The following PTPN3 variants were observed in gnomAD, a reference collection of about 807,000 sequenced individuals.
The protein encoded by PTPN3 is tyrosine-protein phosphatase non-receptor type 3.
PTPN3 carries 96 observed loss-of-function variants against 132.7 expected under a neutral mutation model. The ratio of observed to expected loss-of-function variants is 0.72; its 90% CI spans 0.61 to 0.86. The LOEUF (loss-of-function observed/expected upper bound fraction) is 0.86, where lower values mean the gene tolerates loss of function less well. PTPN3 is among the 40% of genes least tolerant of loss of function. The pLI, the probability that PTPN3 is intolerant of heterozygous loss-of-function variation, is 0.00. For synonymous variants in PTPN3, 398 were observed against 429.0 expected (o/e 0.93, Z 0.89); for missense variants, 1,125 against 1,159.6 (o/e 0.97, Z 0.43).
rs148263399 is a variant in PTPN3, at chr9:109,438,137, G to T, written c.564C>A (p.Val188=). The part of the protein sequence containing the change: ...PDQNEDFLTK[V]ESLHEQHSGL... ...ACCTGTGCTGCTCATGCAGAGATTC[G>T]ACTTTTGTTAAAAAGTCCTCATTTT... Residue 188 remains valine, a synonymous_variant, in exon 8 of 26, where the codon GTC becomes GTA. Coordinates refer to ENST00000374541, the MANE Select transcript of PTPN3 (RefSeq NM_002829.4). 2 of 1,613,626 alleles carry T rather than the reference G, an allele frequency of 1.2e-6. No individual in the cohort carries two copies. The highest frequency in any genetic ancestry group is 2.2e-5 in the South Asian group (2 of 90,974).
At chr9:109,479,867 G>A (rs1439366473) in intron 1 of PTPN3, among the ~76,000 whole-genome samples, 2 of 152,184 alleles carry the variant, frequency 1.3e-5, no homozygotes, top group African/African-American at 2.4e-5. Flanking sequence ...TCTGTGCCTG[G>A]CCCTATTATG....
intron 1 of PTPN3, among the ~76,000 whole-genome samples, chr9:109,480,733 G>T (rs1452175184): frequency 6.6e-6 from 1 of 152,072 alleles, no homozygotes. Context: ...TAGCTGCTCT[G>T]GTCTTGCTGA....
intron 1 of PTPN3, among the ~76,000 whole-genome samples, chr9:109,468,617 C>T (rs1265550140): frequency 3.3e-5 from 5 of 152,318 alleles, no homozygotes; most frequent in South Asian, 4.1e-4. Context: ...CCGCCCACCT[C>T]GGCCTCCCAA....
chr9:109,413,113 ATT>A (rs796731863), intron 14 of PTPN3, among the ~76,000 whole-genome samples: 3 of 142,456 alleles, frequency 2.1e-5, no homozygotes, highest in African/African-American at 2.6e-5. Flanking sequence ...TGCCTGGCTA[ATT>A]TTTTTTTTTT....
chr9:109,481,012 T>C (rs1846934146), intron 1 of PTPN3, among the ~76,000 whole-genome samples: 1 of 152,186 alleles, frequency 6.6e-6, no homozygotes, highest in Non-Finnish European at 1.5e-5. Flanking sequence ...CACAGCTGGC[T>C]GGGAGACTCT....
At chr9:109,515,621 G>A in the PTPN3 span, among the ~76,000 whole-genome samples, 3 of 152,198 alleles carry the variant, frequency 2.0e-5, no homozygotes, top group Admixed American at 6.5e-5. Context: ...TCTGCAGGCT[G>A]TACAAGAAAC....
chr9:109,500,080 T>A (rs1847842858), upstream of PTPN3, among the ~76,000 whole-genome samples: 1 of 152,202 alleles, frequency 6.6e-6, no homozygotes, highest in African/African-American at 2.4e-5. Context: ...CACTGCCTTA[T>A]CCTCTCTGTG....
At position 109,410,032 on chromosome 9, in the gene PTPN3, T is replaced by C; in HGVS notation, c.1545A>G (p.Pro515=). The C allele has an allele frequency of 1.2e-6, 2 of 1,614,240 alleles. No individual in the cohort carries two copies. The highest frequency in any genetic ancestry group is 1.7e-6 in the Non-Finnish European group (2 of 1,180,036). The change falls in exon 16 of 26, where the codon CCA becomes CCG. Residue 515 remains proline, a synonymous_variant. Coordinates refer to ENST00000374541, the MANE Select transcript of PTPN3 (RefSeq NM_002829.4). The part of the protein sequence containing the change: ...DSYLVLIRIT[P]DEDGKFGFNL... ...TAAATCCAAATTTTCCATCTTCATC[T>C]GGTGTGATACGGATCAAGACTAAGT...
Position 109,382,387 on chromosome 9 carries a change from G to C in PTPN3, c.2443C>G (p.Pro815Ala). 1 of 1,614,128 alleles carries C rather than the reference G, an allele frequency of 6.2e-7. No individual in the cohort carries two copies. The change falls in exon 24 of 26, where the codon CCC becomes GCC. Residue 815 changes from proline to alanine, a missense_variant. Coordinates refer to ENST00000374541, the MANE Select transcript of PTPN3 (RefSeq NM_002829.4). ...TCCAGAAAGTCGGAGGAGTCATCGGGCACACCGTGGTCAGGCCATGCGACG... is the reference window on the plus strand; with the variant it reads ...TCCAGAAAGTCGGAGGAGTCATCGGCCACACCGTGGTCAGGCCATGCGACG... ...QYVAWPDHGV[P>A]DDSSDFLEFV...
rs948497173 is a variant in PTPN3, at chr9:109,396,141, C to T, written c.1954-4580G>A. On this transcript the variant is annotated intron_variant, in intron 19 of 25. Coordinates refer to ENST00000374541, the MANE Select transcript of PTPN3 (RefSeq NM_002829.4). ...CCTCCCAAGGTGCTGGGATTACAGC[C>T]GTGAGCCACTGCGCCTGGCCTCAAG... 6.5e-4 allele frequency among the ~76,000 whole-genome samples: 99 copies of T among 152,152 alleles called. 1 individual carries two copies. The highest frequency in any genetic ancestry group is 3.8e-4 in the East Asian group (2 of 5,196).
chr9:109,534,603 C>G, the PTPN3 span, among the ~76,000 whole-genome samples: 94 of 147,168 alleles, frequency 6.4e-4, no homozygotes, highest in African/African-American at 2.2e-3. Flanking sequence ...ATGGTGAAAC[C>G]CCGTCTCTAC....
the PTPN3 span, among the ~76,000 whole-genome samples, chr9:109,515,845 A>T: frequency 6.6e-6 from 1 of 152,220 alleles, no homozygotes; most frequent in Non-Finnish European, 1.5e-5. Flanking sequence ...TTCATGAGGT[A>T]TCCACTCCCA....
At chr9:109,495,585 T>G (rs938262526) in intron 1 of PTPN3, among the ~76,000 whole-genome samples, 1 of 152,146 alleles carries the variant, frequency 6.6e-6, no homozygotes, top group Non-Finnish European at 1.5e-5. Flanking sequence ...GGGGTGGGGT[T>G]TGGCAGCAAC....
intron 19 of PTPN3, among the ~76,000 whole-genome samples, chr9:109,400,901 C>T (rs750643860): frequency 4.6e-5 from 7 of 152,136 alleles, no homozygotes; most frequent in Non-Finnish European, 1.0e-4. Flanking sequence ...ACACCATTCT[C>T]GCACCTGTAA....
chr9:109,380,950 G>C (rs566338283), intron 25 of PTPN3, among the ~76,000 whole-genome samples: 5 of 152,182 alleles, frequency 3.3e-5, no homozygotes, highest in African/African-American at 1.2e-4. Context: ...CACCGCTGCT[G>C]ACACTTAGCA....
At chr9:109,455,876 C>A (rs1400710715) in intron 4 of PTPN3, among the ~76,000 whole-genome samples, 2 of 152,200 alleles carry the variant, frequency 1.3e-5, no homozygotes, top group Non-Finnish European at 2.9e-5. Context: ...TTGCCACAGT[C>A]TGAGCTCAGG....
chr9:109,404,719 T>A, intron 18 of PTPN3, 111 bp from the exon 19 acceptor site: 1 of 1,199,844 alleles, frequency 8.3e-7, no homozygotes, highest in Non-Finnish European at 1.1e-6. Context: ...TCAAAACATC[T>A]TATTAAATGA....
chr9:109,394,262 A>G (rs866815122), intron 19 of PTPN3, among the ~76,000 whole-genome samples: 1 of 152,202 alleles, frequency 6.6e-6, no homozygotes, highest in Non-Finnish European at 1.5e-5. Flanking sequence ...ATTTTTTTTC[A>G]AACAATGAAA....
chr9:109,458,120 G>A (rs996699589), intron 2 of PTPN3, among the ~76,000 whole-genome samples: 1 of 152,182 alleles, frequency 6.6e-6, no homozygotes, highest in African/African-American at 2.4e-5. Flanking sequence ...AGCCATGGAG[G>A]CAGTGGCTGT....
Sources: allele counts gnomAD v4.1 joint callset (sites outside exome capture counted in the v4.1 genomes callset), GRCh38; gene constraint gnomAD v4.1.1; transcripts MANE v1.5; gene names NCBI Gene and HGNC (gene_info 2026-07-23, HGNC 2026-07-21).